The following TNS3 variants were observed in gnomAD, a reference collection of about 807,000 sequenced individuals.
TNS3 encodes tensin-3.
In TNS3, 45 loss-of-function variants were observed where a neutral mutation model predicts 140.9. The ratio of observed to expected loss-of-function variants is 0.32; its 90% CI spans 0.25 to 0.41. The LOEUF is 0.41. Ranked by LOEUF, TNS3 falls within the 10% of genes least tolerant of loss-of-function variation. The probability of loss-of-function intolerance (pLI) is 1.00; values close to 1 mark genes in which losing one functional copy is unlikely to be tolerated. For synonymous variants in TNS3, 815 were observed against 788.4 expected, an observed-to-expected ratio of 1.03 and a Z score of -0.56; for missense variants, 1,716 against 1,906.7, an observed-to-expected ratio of 0.90 and a Z score of 1.86.
chr7:47,437,269 G>A lies in TNS3; in HGVS notation c.195C>T (p.Asn65=). ...AAAGGGATGAACTCTGTACCTTTGG[G>A]TTAAGCTTCGTAAGGTCATATCTCT... ...SEKRYDLTKL[N]PKIMDVGWPE... Residue 65 remains asparagine, a synonymous_variant, in exon 7 of 31, where the codon AAC becomes AAT. Transcript: ENST00000311160. 6.4e-7 allele frequency: 1 copy of A among 1,559,858 alleles called. No individual in the cohort carries two copies. The highest frequency in any genetic ancestry group is 8.6e-7 in the Non-Finnish European group (1 of 1,160,000).
intron 23 of TNS3, among the ~76,000 whole-genome samples, chr7:47,297,889 C>T (rs551011584): frequency 4.0e-5 from 6 of 150,074 alleles, no homozygotes; most frequent in South Asian, 2.1e-4. Flanking sequence ...TGGGTTCAAG[C>T]GATTCTCCTG....
At chr7:47,339,404 T>G (rs1273108217) in intron 20 of TNS3, among the ~76,000 whole-genome samples, 1 of 152,212 alleles carries the variant, frequency 6.6e-6, no homozygotes, top group Non-Finnish European at 1.5e-5. Context: ...TTCATTGTTT[T>G]GCCTGTGGGT....
intron 3 of TNS3, among the ~76,000 whole-genome samples, chr7:47,484,024 G>C (rs912284894): frequency 2.6e-5 from 4 of 152,176 alleles, no homozygotes; most frequent in African/African-American, 9.7e-5. Flanking sequence ...AGTAGGGGGC[G>C]AGCAGCCCCC....
intron 8 of TNS3, among the ~76,000 whole-genome samples, chr7:47,433,670 G>A (rs1795031529): frequency 6.6e-6 from 1 of 152,154 alleles, no homozygotes; most frequent in South Asian, 2.1e-4. Context: ...AGCAGGTCTG[G>A]GTGTGCCCTA....
intron 1 of TNS3, among the ~76,000 whole-genome samples, chr7:47,547,180 C>T (rs369618722): frequency 3.9e-4 from 59 of 152,286 alleles, no homozygotes; most frequent in Non-Finnish European, 3.2e-4. Flanking sequence ...CAGTGTGTGT[C>T]GGGCTCCAGT....
At chr7:47,336,569 G>A (rs534671734) in intron 20 of TNS3, among the ~76,000 whole-genome samples, 1 of 152,304 alleles carries the variant, frequency 6.6e-6, no homozygotes. Context: ...AGAAGGGTGG[G>A]TGAAGGATGC....
rs559878371 is a variant in TNS3, at chr7:47,449,246, C to T, written c.-75-7191G>A. On this transcript the variant is annotated intron_variant, in intron 4 of 30. Transcript: ENST00000311160. ...TGCAGCAAACCAAGCCTATGTCGTG[C>T]AATTAATGCTAGTGCGGCATTTCAA... is the stretch of plus-strand genomic sequence containing the variant. Among the ~76,000 whole-genome samples, 218 of 152,344 alleles carry T rather than the reference C, an allele frequency of 1.4e-3. 1 individual carries two copies. The highest frequency in any genetic ancestry group is 3.3e-3 in the Admixed American group (50 of 15,312).
intron 27 of TNS3, among the ~76,000 whole-genome samples, chr7:47,288,107 A>T (rs1325878729): frequency 1.3e-5 from 2 of 152,190 alleles, no homozygotes; most frequent in Non-Finnish European, 2.9e-5. Flanking sequence ...GCTTAAGGAG[A>T]AAAGTGAAAT....
chr7:47,533,008 G>C (rs1292354715), intron 1 of TNS3, among the ~76,000 whole-genome samples: 1 of 148,166 alleles, frequency 6.7e-6, no homozygotes, highest in Non-Finnish European at 1.5e-5. Context: ...AAAACAAGTA[G>C]CAGTATGACA....
chr7:47,301,346 G>C (rs947470003), intron 23 of TNS3, among the ~76,000 whole-genome samples: 5 of 152,100 alleles, frequency 3.3e-5, no homozygotes, highest in African/African-American at 1.2e-4. Flanking sequence ...TCTCTTCTGA[G>C]GTATATCCCA....
At chr7:47,534,388 C>G (rs1286606400) in intron 1 of TNS3, among the ~76,000 whole-genome samples, 1 of 152,126 alleles carries the variant, frequency 6.6e-6, no homozygotes, top group Non-Finnish European at 1.5e-5. Flanking sequence ...AAGTCACAAC[C>G]TCTCTTAAAT....
intron 2 of TNS3, among the ~76,000 whole-genome samples, chr7:47,517,372 C>A (rs144596706): frequency 6.6e-6 from 1 of 152,306 alleles, no homozygotes; most frequent in Non-Finnish European, 1.5e-5. Context: ...CATTACCAAT[C>A]TTTACCCCCG....
chr7:47,347,393 C>T (rs1198268684), intron 17 of TNS3, among the ~76,000 whole-genome samples: 1 of 152,110 alleles, frequency 6.6e-6, no homozygotes, highest in Non-Finnish European at 1.5e-5. Context: ...TTCAGAAGCT[C>T]ACAGGAATGC....
intron 5 of TNS3, among the ~76,000 whole-genome samples, chr7:47,441,438 A>G (rs1795460862): frequency 6.6e-6 from 1 of 152,156 alleles, no homozygotes; most frequent in South Asian, 2.1e-4. Flanking sequence ...AGCCTCCCAA[A>G]GTGCTGGGAT....
intron 16 of TNS3, among the ~76,000 whole-genome samples, chr7:47,395,850 A>T (rs997369544): frequency 9.2e-5 from 14 of 152,182 alleles, no homozygotes; most frequent in African/African-American, 3.4e-4. Context: ...TTGAAATTCC[A>T]TCCCACAAGG....
intron 2 of TNS3, among the ~76,000 whole-genome samples, chr7:47,507,445 G>C (rs934639792): frequency 6.6e-6 from 1 of 152,190 alleles, no homozygotes; most frequent in Non-Finnish European, 1.5e-5. Flanking sequence ...CTTTAAATTT[G>C]TGAGAAAGTC....
chr7:47,369,126 A>T lies in TNS3; in HGVS notation c.1520T>A (p.Leu507Gln). The T allele has an allele frequency of 5.6e-6, 9 of 1,613,752 alleles. No homozygotes were observed. The highest frequency in any genetic ancestry group is 6.8e-6 in the Non-Finnish European group (8 of 1,180,008). Residue 507 changes from leucine (L) to glutamine (Q), a missense_variant, in exon 17 of 31, where the codon CTG becomes CAG. Coordinates refer to ENST00000311160, the MANE Select transcript of TNS3 (RefSeq NM_022748.12). Reference protein sequence around the residue: ...SSSEGPQSAHLGPFTCHKSSQ... With the variant: ...SSSEGPQSAHQGPFTCHKSSQ... ...GCTCTTGTGGCAGGTGAAGGGACCC[A>T]GGTGGGCCGACTGAGGCCCTTCCGA...
At chr7:47,365,175 G>C (rs1325509302) in intron 17 of TNS3, among the ~76,000 whole-genome samples, 1 of 152,128 alleles carries the variant, frequency 6.6e-6, no homozygotes, top group Admixed American at 6.5e-5. Context: ...GGCTGGGCGC[G>C]GTGGCTCATG....
rs1209018370 is a variant in TNS3, at chr7:47,369,684, T to C, written c.1025-63A>G. 4.1e-6 allele frequency: 6 copies of C among 1,479,058 alleles called. No individual in the cohort carries two copies. The East Asian group carries it at 1.4e-4, about 34-fold the overall frequency. The allele number at this position is 1,479,058 out of a possible 1,614,324, so 91.6% of individuals were successfully genotyped here. A position where few individuals can be genotyped will look rare whatever the true frequency, so the allele number is the denominator to read the frequency against. On this transcript the variant is annotated intron_variant, in intron 16 of 30. Transcript: ENST00000311160. ...GGATGAAAGTGAGCCTCACACCCTC[T>C]GAATGGGCGTGTGCATCTGTCTAAA...
Sources: gnomAD v4.1 joint callset for allele counts (sites outside exome capture counted in the v4.1 genomes callset) on GRCh38, gnomAD v4.1.1 for gene constraint, MANE v1.5 for transcripts, NCBI Gene and HGNC (gene_info 2026-07-23, HGNC 2026-07-21) for gene names.